The following GYPC variants were observed in gnomAD, a reference collection of about 807,000 sequenced individuals.
GYPC encodes the protein glycophorin C (Gerbich blood group).
In GYPC, 14 loss-of-function variants were observed where a neutral mutation model predicts 12.6. The ratio of observed to expected loss-of-function variants is 1.11; its 90% CI spans 0.74 to 1.74. The LOEUF (loss-of-function observed/expected upper bound fraction) is 1.74, where lower values mean the gene tolerates loss of function less well. Ranked by LOEUF, GYPC falls within the 40% of genes most tolerant of loss-of-function variation. The pLI, the probability that GYPC is intolerant of heterozygous loss-of-function variation, is 0.00. For missense variants in GYPC, 225 were observed against 172.1 expected (o/e 1.31, Z -1.72); for synonymous variants, 78 against 62.1 (o/e 1.26, Z -1.20).
intron 2 of GYPC, among the ~76,000 whole-genome samples, chr2:126,691,432 T>C (rs1305593891): frequency 6.6e-6 from 1 of 151,916 alleles, no homozygotes. Context: ...TGCGTTACCC[T>C]CTCCCACTTC....
At chr2:126,662,006 G>T (rs10928978) in intron 1 of GYPC, among the ~76,000 whole-genome samples, 81,704 of 152,070 alleles carry the variant, frequency 0.54, 23,247 homozygotes, top group Middle Eastern at 0.65. Flanking sequence ...CACTGCCAGG[G>T]CGCCTCACAC....
At chr2:126,686,436 T>C in intron 1 of GYPC, 3 of 985,488 alleles carry the variant, frequency 3.0e-6, no homozygotes, top group Non-Finnish European at 3.6e-6. Flanking sequence ...TTAGTAGGAA[T>C]GACTGTAGCC....
intron 1 of GYPC, among the ~76,000 whole-genome samples, chr2:126,659,071 T>G (rs777986373): frequency 3.3e-5 from 5 of 152,236 alleles, no homozygotes; most frequent in Non-Finnish European, 7.3e-5. Flanking sequence ...CGGTTTCTCA[T>G]GCTCACAAAT....
At chr2:126,670,850 C>T (rs1296378376) in intron 1 of GYPC, among the ~76,000 whole-genome samples, 1 of 152,180 alleles carries the variant, frequency 6.6e-6, no homozygotes, top group Non-Finnish European at 1.5e-5. Flanking sequence ...CCCAACAGCA[C>T]CTATCATTTA....
At chr2:126,668,543 A>G (rs1283980739) in intron 1 of GYPC, among the ~76,000 whole-genome samples, 3 of 152,256 alleles carry the variant, frequency 2.0e-5, no homozygotes, top group Non-Finnish European at 4.4e-5. Context: ...GCCAACTACA[A>G]TGCACACACA....
At chr2:126,695,777 T>C (rs1683623996) in intron 3 of GYPC, among the ~76,000 whole-genome samples, 169 bp from the exon 4 acceptor site, 1 of 152,240 alleles carries the variant, frequency 6.6e-6, no homozygotes, top group South Asian at 2.1e-4. Context: ...ACAGTATTTT[T>C]AACTTATTAT....
intron 1 of GYPC, chr2:126,658,051 A>G (rs944779155): frequency 6.6e-6 from 1 of 152,314 alleles, no homozygotes; most frequent in Non-Finnish European, 1.5e-5. Flanking sequence ...CTAGGCCCCA[A>G]TGCCACAGTT....
At chr2:126,688,356 G>A (rs1200999439) in intron 1 of GYPC, among the ~76,000 whole-genome samples, 1 of 152,164 alleles carries the variant, frequency 6.6e-6, no homozygotes, top group Non-Finnish European at 1.5e-5. Flanking sequence ...ATAGTGGTTA[G>A]AAAAGTCTAG....
chr2:126,672,087 A>T lies in GYPC; in HGVS notation c.49+15775A>T, dbSNP rs559726994. 3.9e-5 allele frequency among the ~76,000 whole-genome samples: 6 copies of T among 152,180 alleles called. No homozygotes were observed. In the South Asian group the frequency reaches 1.2e-3, roughly 32 times the overall value. ...CAGGTGGCTGGGGGATGAGGGAGGGAAAAGGTAACTGAGAGATGCAGGTGG... is the reference window on the plus strand; with the variant it reads ...CAGGTGGCTGGGGGATGAGGGAGGGTAAAGGTAACTGAGAGATGCAGGTGG... On this transcript the variant is annotated intron_variant, in intron 1 of 3. Coordinates refer to ENST00000259254, the MANE Select transcript of GYPC (RefSeq NM_002101.5).
chr2:126,668,288 T>C (rs1046680522), intron 1 of GYPC, among the ~76,000 whole-genome samples: 6 of 152,126 alleles, frequency 3.9e-5, no homozygotes, highest in Non-Finnish European at 8.8e-5. Flanking sequence ...TCTGACCCAT[T>C]TGAGTAAGGA....
At chr2:126,661,537 G>A (rs1226001949) in intron 1 of GYPC, among the ~76,000 whole-genome samples, 2 of 150,864 alleles carry the variant, frequency 1.3e-5, no homozygotes, top group Non-Finnish European at 2.9e-5. Flanking sequence ...ACTGCAACCT[G>A]CGTCTCCTGG....
chr2:126,688,522 T>C (rs1254181755), intron 1 of GYPC, among the ~76,000 whole-genome samples: 1 of 152,220 alleles, frequency 6.6e-6, no homozygotes, highest in African/African-American at 2.4e-5. Flanking sequence ...TTGCTATGGC[T>C]CCTGCTTCAG....
In GYPC at chr2:126,656,247, C is replaced by G. The variant is rs200853457; in HGVS notation, c.-17C>G. 2.3e-4 allele frequency: 368 copies of G among 1,598,948 alleles called. No individual in the cohort carries two copies. The highest frequency in any genetic ancestry group is 3.0e-4 in the Non-Finnish European group (351 of 1,174,816). ...CTGGCCAGTCCCCGCGGTCTCTGCC[C>G]GGGCTGACGCCCAGGAATGTGGTCG... On this transcript the variant is annotated 5_prime_UTR_variant, in exon 1 of 4. Coordinates refer to ENST00000259254, the MANE Select transcript of GYPC (RefSeq NM_002101.5).
chr2:126,662,434 TG>T (rs764972952), intron 1 of GYPC, among the ~76,000 whole-genome samples: 5 of 152,168 alleles, frequency 3.3e-5, no homozygotes, highest in Non-Finnish European at 5.9e-5. Flanking sequence ...ATAGACTTTG[TG>T]TCAATTTGCT....
intron 3 of GYPC, among the ~76,000 whole-genome samples, chr2:126,694,160 T>G (rs1340540980): frequency 6.6e-6 from 1 of 152,168 alleles, no homozygotes; most frequent in East Asian, 1.9e-4. Flanking sequence ...TATGTATTTA[T>G]TGGCCTTTCT....
Position 126,656,159 on chromosome 2 carries a change from C to T in GYPC, c.-105C>T, listed in dbSNP as rs1399126934. 2 of 1,497,668 alleles carry T rather than the reference C, an allele frequency of 1.3e-6. No individual in the cohort carries two copies. The highest frequency in any genetic ancestry group is 1.8e-6 in the Non-Finnish European group (2 of 1,122,290). 92.8% of individuals were successfully genotyped at this position (1,497,668 alleles called of 1,614,324 possible). On this transcript the variant is annotated 5_prime_UTR_variant, in exon 1 of 4. Coordinates refer to ENST00000259254, the MANE Select transcript of GYPC (RefSeq NM_002101.5). ...AGGAGTGTGACCCAGGTGCCGCTTC[C>T]TCTCGCCGCCGAGGGTCAGGAGCCC...
At chr2:126,669,964 C>T (rs954848248) in intron 1 of GYPC, among the ~76,000 whole-genome samples, 1 of 152,162 alleles carries the variant, frequency 6.6e-6, no homozygotes. Flanking sequence ...TCGTCTTCCT[C>T]GGCCCAGGGC....
chr2:126,668,455 A>G (rs749794016), intron 1 of GYPC, among the ~76,000 whole-genome samples: 2 of 152,184 alleles, frequency 1.3e-5, no homozygotes, highest in Non-Finnish European at 2.9e-5. Flanking sequence ...CCTGGATCTC[A>G]GATGATCCCT....
chr2:126,658,133 G>C (rs1016534556), intron 1 of GYPC: 3 of 152,234 alleles, frequency 2.0e-5, no homozygotes, highest in African/African-American at 4.8e-5. Context: ...TCAGTGAGAA[G>C]ACGGCCAGGT....
Sources: gnomAD v4.1 joint callset for allele counts (sites outside exome capture counted in the v4.1 genomes callset) on GRCh38, gnomAD v4.1.1 for gene constraint, MANE v1.5 for transcripts, NCBI Gene and HGNC (gene_info 2026-07-23, HGNC 2026-07-21) for gene names.